MCF2L2: variants seen among roughly 807,000 people sequenced by gnomAD.
MCF2L2 encodes the protein probable guanine nucleotide exchange factor MCF2L2.
In MCF2L2, 102 loss-of-function variants were observed where a neutral mutation model predicts 150.2. The observed-to-expected ratio is 0.68, with a 90% CI of 0.58 to 0.80. The LOEUF (loss-of-function observed/expected upper bound fraction) is 0.80. MCF2L2 is among the 30% of genes least tolerant of loss of function. The pLI, the probability that MCF2L2 is intolerant of heterozygous loss-of-function variation, is 0.00. For synonymous variants in MCF2L2, 465 were observed against 491.3 expected (o/e 0.95, Z 0.71); for missense variants, 1,256 against 1,372.8 (o/e 0.91, Z 1.34).
intron 15 of MCF2L2, among the ~76,000 whole-genome samples, chr3:183,274,801 T>C (rs539813686): frequency 6.6e-6 from 1 of 152,328 alleles, no homozygotes; most frequent in African/African-American, 2.4e-5. Context: ...TCCGATCACT[T>C]CCGCATTCTG....
At chr3:183,245,422 C>T (rs1724206315) in intron 15 of MCF2L2, among the ~76,000 whole-genome samples, 1 of 152,050 alleles carries the variant, frequency 6.6e-6, no homozygotes, top group African/African-American at 2.4e-5. Context: ...CCAGGCTGCC[C>T]AGAGCAGAGT....
chr3:183,345,791 C>T (rs1414408815), intron 3 of MCF2L2, among the ~76,000 whole-genome samples: 1 of 152,170 alleles, frequency 6.6e-6, no homozygotes, highest in Non-Finnish European at 1.5e-5. Context: ...ACTATAAACA[C>T]CTCTATGCAA....
intron 22 of MCF2L2, among the ~76,000 whole-genome samples, chr3:183,210,663 C>T (rs1427720086): frequency 2.6e-5 from 4 of 152,122 alleles, no homozygotes; most frequent in Admixed American, 2.6e-4. Flanking sequence ...GGGAATAAGT[C>T]GAGGTGTACA....
At chr3:183,419,048 C>G (rs1325637242) in intron 1 of MCF2L2, among the ~76,000 whole-genome samples, 2 of 152,240 alleles carry the variant, frequency 1.3e-5, no homozygotes, top group African/African-American at 2.4e-5. Context: ...CATACATCCT[C>G]TGAAATCTAG....
rs756296159 is a variant in MCF2L2 at position 183,270,409 on chromosome 3, T to C, written c.1862+6463A>G. The C allele has an allele frequency of 1.2e-5, 19 of 1,614,078 alleles. No individual in the cohort carries two copies. The highest frequency in any genetic ancestry group is 5.0e-5 in the Admixed American group (3 of 60,008). On this transcript the variant is annotated intron_variant, in intron 15 of 29. Transcript: ENST00000328913. The surrounding 1 kb of genome is among the most constrained non-coding windows in gnomAD (Gnocchi z 4.5). ...ATATTTATTCACATGCCAAATCTGA[T>C]TGAGTACCTTCAAAGTTTAGAACAA...
chr3:183,293,188 A>G (rs1033126399), intron 13 of MCF2L2, among the ~76,000 whole-genome samples: 4 of 152,252 alleles, frequency 2.6e-5, no homozygotes, highest in Non-Finnish European at 5.9e-5. Flanking sequence ...TAAGCATGAG[A>G]AAACTGGAAT....
intron 1 of MCF2L2, among the ~76,000 whole-genome samples, chr3:183,411,680 A>G (rs2108622675): frequency 6.6e-6 from 1 of 151,748 alleles, no homozygotes; most frequent in South Asian, 2.1e-4. Flanking sequence ...GCCTGTAGCC[A>G]TAGCTGAGAA....
At chr3:183,425,349 C>T (rs114632162) in intron 1 of MCF2L2, among the ~76,000 whole-genome samples, 2,513 of 152,184 alleles carry the variant, frequency 0.017, 69 homozygotes, top group African/African-American at 0.058. Context: ...CGAGTGAATA[C>T]GGAAGACAGT....
At chr3:183,403,530 T>C (rs73062781) in intron 1 of MCF2L2, among the ~76,000 whole-genome samples, 8,090 of 152,300 alleles carry the variant, frequency 0.053, 465 homozygotes, top group East Asian at 0.12. Context: ...GTGGCGAGAC[T>C]TGCTCCAGTG....
chr3:183,372,691 CAAAA>C (rs1433476138), intron 3 of MCF2L2: 2 of 151,250 alleles, frequency 1.3e-5, no homozygotes, highest in East Asian at 1.9e-4. Context: ...GACTCGGTCT[CAAAA>C]AAGAAAGAAA....
intron 3 of MCF2L2, among the ~76,000 whole-genome samples, chr3:183,364,259 G>A (rs753145001): frequency 6.6e-6 from 1 of 152,174 alleles, no homozygotes; most frequent in African/African-American, 2.4e-5. Context: ...GCTTACGTCT[G>A]TAATCCCAGC....
intron 25 of MCF2L2, among the ~76,000 whole-genome samples, chr3:183,203,106 G>A (rs1019530230): frequency 1.3e-5 from 2 of 152,054 alleles, no homozygotes; most frequent in Admixed American, 6.6e-5. Context: ...CCAGCTACTC[G>A]GGAGGCTGAG....
intron 15 of MCF2L2, among the ~76,000 whole-genome samples, chr3:183,268,510 G>C (rs1328606691): frequency 6.9e-6 from 1 of 144,056 alleles, no homozygotes; most frequent in Non-Finnish European, 1.5e-5. Flanking sequence ...TGGAGAAAAT[G>C]GGGGGGGCGG....
intron 3 of MCF2L2, among the ~76,000 whole-genome samples, chr3:183,349,980 C>T (rs767184866): frequency 6.6e-5 from 10 of 152,070 alleles, no homozygotes; most frequent in African/African-American, 9.7e-5. Flanking sequence ...AATATTAGAT[C>T]GTTTATAAAC....
chr3:183,210,836 G>A (rs1722668099), intron 22 of MCF2L2, among the ~76,000 whole-genome samples: 1 of 152,172 alleles, frequency 6.6e-6, no homozygotes, highest in Non-Finnish European at 1.5e-5. Context: ...CCACAGCCAT[G>A]CTGCTGCACC....
intron 3 of MCF2L2, among the ~76,000 whole-genome samples, chr3:183,349,332 CAA>C (rs1731020904): frequency 6.6e-6 from 1 of 152,186 alleles, no homozygotes; most frequent in Non-Finnish European, 1.5e-5. Context: ...TTTCAAGTTA[CAA>C]TTTCTTCCTA....
In MCF2L2 at chr3:183,187,278, C is replaced by T. The variant is rs1026010210; in HGVS notation, c.3016+5721G>A. ...AGACCCTGAGGTACCCGACGAGGGA[C>T]CTGTAGTAAGGCTGGCAGACAGGTT... On this transcript the variant is annotated intron_variant, in intron 27 of 29. Coordinates refer to ENST00000328913, the MANE Select transcript of MCF2L2 (RefSeq NM_015078.4). 3.3e-5 allele frequency among the ~76,000 whole-genome samples: 5 copies of T among 152,242 alleles called. No homozygotes were observed. The South Asian group carries it at 6.2e-4, about 19-fold the overall frequency.
At chr3:183,408,972 AT>A (rs1252712741) in intron 1 of MCF2L2, among the ~76,000 whole-genome samples, 1 of 152,232 alleles carries the variant, frequency 6.6e-6, no homozygotes, top group Non-Finnish European at 1.5e-5. Context: ...TTATAACTTT[AT>A]TAGATTATTA....
chr3:183,333,430 A>G (rs1251455894), intron 5 of MCF2L2, among the ~76,000 whole-genome samples: 2 of 152,190 alleles, frequency 1.3e-5, no homozygotes, highest in African/African-American at 4.8e-5. Flanking sequence ...ATTTGAACAG[A>G]AAAAGTCTAT....
Sources: gnomAD v4.1 joint callset for allele counts (sites outside exome capture counted in the v4.1 genomes callset) on GRCh38, gnomAD v4.1.1 for gene constraint, Gnocchi (gnomAD v3.1) non-coding constraint, MANE v1.5 for transcripts, NCBI Gene and HGNC (gene_info 2026-07-23, HGNC 2026-07-21) for gene names.